The following ZC3H7A variants were observed in gnomAD, a reference collection of about 807,000 sequenced individuals.
ZC3H7A encodes the protein zinc finger CCCH domain-containing protein 7A.
Under a neutral mutation model 125.5 loss-of-function variants are expected in ZC3H7A, and 44 were observed. The ratio of observed to expected loss-of-function variants is 0.35; its 90% CI spans 0.28 to 0.45. ZC3H7A has a LOEUF of 0.45. ZC3H7A is among the 20% of genes least tolerant of loss of function. The pLI is 1.00. For missense variants in ZC3H7A, 977 were observed against 1,170.7 expected (o/e 0.83, Z 2.41); for synonymous variants, 399 against 391.2 (o/e 1.02, Z -0.23).
chr16:11,796,238 C>T (rs1040310044), intron 1 of ZC3H7A: 3 of 152,226 alleles, frequency 2.0e-5, no homozygotes, highest in Admixed American at 6.5e-5. Flanking sequence ...CTTTTACTTT[C>T]TTTCTCATCC....
chr16:11,783,243 T>C (rs1337066949), intron 1 of ZC3H7A, among the ~76,000 whole-genome samples: 2 of 152,224 alleles, frequency 1.3e-5, no homozygotes, highest in African/African-American at 2.4e-5. Context: ...GATAAAATAA[T>C]GATATAAAGT....
Position 11,756,106 on chromosome 16 carries a change from T to C in ZC3H7A, c.2562+131A>G. 4 of 1,314,066 alleles carry C rather than the reference T, an allele frequency of 3.0e-6. No individual in the cohort carries two copies. The South Asian group carries it at 4.5e-5, about 15-fold the overall frequency. 81.4% of individuals were successfully genotyped at this position (1,314,066 alleles called of 1,614,324 possible). On this transcript the variant is annotated intron_variant, in intron 21 of 22. Coordinates refer to ENST00000355758, the MANE Select transcript of ZC3H7A (RefSeq NM_014153.4). ...TGAACCAGGGAGGCGGAGGTTGCAG[T>C]GAGCTGAAATCACACCACTGCACTC... is the stretch of plus-strand genomic sequence containing the variant.
At chr16:11,760,736 CCT>C (rs1448405658) in intron 19 of ZC3H7A, among the ~76,000 whole-genome samples, 1 of 152,108 alleles carries the variant, frequency 6.6e-6, no homozygotes, top group African/African-American at 2.4e-5. Context: ...CTCTCCAGAC[CCT>C]CTCTCTCATG....
At chr16:11,778,436 CAAAAAAAAAAAAA>C (rs754842530) in intron 4 of ZC3H7A, among the ~76,000 whole-genome samples, 1 of 74,092 alleles carries the variant, frequency 1.3e-5, no homozygotes, top group Admixed American at 1.5e-4. Flanking sequence ...GACACTGTCT[CAAAAAAAAAAAAA>C]AAAAAAAAAA....
chr16:11,765,680 C>T lies in ZC3H7A; in HGVS notation c.1528G>A (p.Ala510Thr), dbSNP rs771328297. The T allele has an allele frequency of 4.3e-6, 7 of 1,611,308 alleles. No individual in the cohort carries two copies. In the East Asian group the frequency reaches 1.6e-4, roughly 36 times the overall value. Residue 510 changes from alanine to threonine, a missense_variant, in exon 14 of 23, where the codon GCT becomes ACT. By Grantham distance (58) the Ala-to-Thr change is moderately conservative. This residue lies in a region of ZC3H7A where 436 missense variants were observed against 603.2 expected (regional missense o/e 0.72). Coordinates refer to ENST00000355758, the MANE Select transcript of ZC3H7A (RefSeq NM_014153.4). This position sits in a 1 kb window ranked among gnomAD's most constrained non-coding sequence, Gnocchi z 4.8. ...EGPYYICKDVAAEEECRYSGH... is the reference protein window; with the variant it reads ...EGPYYICKDVTAEEECRYSGH... Reference sequence around the variant, plus strand: ...GAATATCTACATTCCTCCTCAGCAGCAACATCTAGAAAGACAGGGAATGGA... The same window carrying T: ...GAATATCTACATTCCTCCTCAGCAGTAACATCTAGAAAGACAGGGAATGGA...
intron 1 of ZC3H7A, among the ~76,000 whole-genome samples, chr16:11,788,715 G>T (rs1227996531): frequency 6.6e-6 from 1 of 151,182 alleles, no homozygotes; most frequent in Non-Finnish European, 1.5e-5. Context: ...CTGGGTTCAA[G>T]CGATTATCCT....
chr16:11,751,971 C>T (rs1449703163), intron 22 of ZC3H7A, among the ~76,000 whole-genome samples: 1 of 146,180 alleles, frequency 6.8e-6, no homozygotes, highest in African/African-American at 2.5e-5. Flanking sequence ...AGTAACGCAA[C>T]CTCGGCTCAC....
intron 1 of ZC3H7A, among the ~76,000 whole-genome samples, chr16:11,784,183 A>AG (rs1346228262): frequency 6.6e-6 from 1 of 152,158 alleles, no homozygotes; most frequent in East Asian, 1.9e-4. Flanking sequence ...TTTAGCCAAA[A>AG]GGGGGGTAGC....
At chr16:11,794,329 T>C (rs914434885) in intron 1 of ZC3H7A, among the ~76,000 whole-genome samples, 1 of 152,228 alleles carries the variant, frequency 6.6e-6, no homozygotes. Context: ...AGTAACCTCG[T>C]TGCTTTACAT....
At chr16:11,770,252 A>C (rs1470826493) in intron 10 of ZC3H7A, among the ~76,000 whole-genome samples, 1 of 152,190 alleles carries the variant, frequency 6.6e-6, no homozygotes, top group Admixed American at 6.5e-5. Flanking sequence ...TGATTGTTTG[A>C]AGTATATATG....
chr16:11,795,681 C>G (rs2053425678), intron 1 of ZC3H7A, among the ~76,000 whole-genome samples: 1 of 152,156 alleles, frequency 6.6e-6, no homozygotes, highest in African/African-American at 2.4e-5. Context: ...AGGTGATCCA[C>G]ACACCTCGGC....
rs1258999395 is a variant in ZC3H7A, at chr16:11,756,295, T to G, written c.2504A>C (p.Gln835Pro). 1 of 1,614,098 alleles carries G rather than the reference T, an allele frequency of 6.2e-7. No individual in the cohort carries two copies. The highest frequency in any genetic ancestry group is 8.5e-7 in the Non-Finnish European group (1 of 1,180,048). Residue 835 changes from glutamine to proline, a missense_variant, in exon 21 of 23, where the codon CAG (glutamine) becomes CCG (proline). Coordinates refer to ENST00000355758, the MANE Select transcript of ZC3H7A (RefSeq NM_014153.4). ...KNEKSEDIASQSNKENGKQIH... is the reference protein window; with the variant it reads ...KNEKSEDIASPSNKENGKQIH... The stretch of plus-strand genomic sequence containing the variant: ...TTGTTTTCCATTTTCCTTGTTTGAC[T>G]GACTGGCTATGTCTTCACTTTTTTC...
chr16:11,777,407 G>A (rs2053098952), intron 4 of ZC3H7A, among the ~76,000 whole-genome samples: 1 of 152,150 alleles, frequency 6.6e-6, no homozygotes, highest in Admixed American at 6.6e-5. Context: ...ATATTTTACC[G>A]AGTATCCACA....
At chr16:11,752,196 T>C (rs1427277153) in intron 22 of ZC3H7A, among the ~76,000 whole-genome samples, 2 of 152,190 alleles carry the variant, frequency 1.3e-5, no homozygotes, top group Non-Finnish European at 2.9e-5. Flanking sequence ...GTAGCCACCA[T>C]GCCCGGCTGC....
At chr16:11,775,875 A>T (rs8044901) in intron 7 of ZC3H7A, among the ~76,000 whole-genome samples, 5,359 of 152,292 alleles carry the variant, frequency 0.035, 330 homozygotes, top group African/African-American at 0.12. Context: ...TGACTAGAAG[A>T]GGCCAGAAGA....
At chr16:11,754,549 T>C (rs2052606808) in intron 21 of ZC3H7A, among the ~76,000 whole-genome samples, 1 of 151,836 alleles carries the variant, frequency 6.6e-6, no homozygotes, top group Non-Finnish European at 1.5e-5. Context: ...GTAACACATA[T>C]GCTTATGTAA....
chr16:11,777,704 G>A (rs571571858), intron 4 of ZC3H7A, among the ~76,000 whole-genome samples: 73 of 148,782 alleles, frequency 4.9e-4, no homozygotes, highest in Non-Finnish European at 6.1e-4. Flanking sequence ...CTGGGCAACA[G>A]AGTGACACTC....
chr16:11,761,317 G>A (rs930632154), intron 19 of ZC3H7A, 89 bp downstream of exon 19: 3 of 1,238,870 alleles, frequency 2.4e-6, no homozygotes, highest in Non-Finnish European at 3.5e-6. Flanking sequence ...ATTATTTAAA[G>A]GGCTTGAGTT....
chr16:11,781,740 C>T (rs1038315234), intron 2 of ZC3H7A, among the ~76,000 whole-genome samples: 3 of 151,610 alleles, frequency 2.0e-5, no homozygotes, highest in African/African-American at 7.3e-5. Flanking sequence ...TTTAAAAACC[C>T]TAATTCTTCA....
Sources: allele counts gnomAD v4.1 joint callset (sites outside exome capture counted in the v4.1 genomes callset), GRCh38; gene constraint gnomAD v4.1.1; regional missense constraint gnomAD v4.1.1; non-coding constraint Gnocchi (gnomAD v3.1); transcripts MANE v1.5; gene names NCBI Gene and HGNC (gene_info 2026-07-23, HGNC 2026-07-21).